GRID2: variants seen among roughly 807,000 people sequenced by gnomAD.
GRID2 encodes the protein glutamate receptor ionotropic, delta-2.
A neutral mutation model predicts 114.8 loss-of-function variants in GRID2; 33 were observed. The ratio of observed to expected loss-of-function variants is 0.29; its 90% CI spans 0.22 to 0.38. GRID2 has a LOEUF of 0.38. Ranked by LOEUF, GRID2 falls within the 10% of genes least tolerant of loss-of-function variation. The pLI is 1.00. For synonymous variants in GRID2, 505 were observed against 449.9 expected (o/e 1.12, Z -1.55); for missense variants, 1,184 against 1,257.7 (o/e 0.94, Z 0.89).
intron 13 of GRID2, among the ~76,000 whole-genome samples, chr4:93,525,016 T>C (rs2149504775): frequency 6.6e-6 from 1 of 151,964 alleles, no homozygotes; most frequent in South Asian, 2.1e-4. Context: ...CTGCTCCAAT[T>C]CTTCTTTTAA....
intron 2 of GRID2, among the ~76,000 whole-genome samples, chr4:92,990,129 CCTT>C (rs1464730168): frequency 6.6e-6 from 1 of 150,554 alleles, no homozygotes; most frequent in East Asian, 2.0e-4. Context: ...TTTTATGTAA[CCTT>C]CTTTATGTTG....
intron 8 of GRID2, among the ~76,000 whole-genome samples, chr4:93,277,758 C>T (rs1249491878): frequency 6.6e-6 from 1 of 151,906 alleles, no homozygotes; most frequent in South Asian, 2.1e-4. Context: ...ACACATTTGT[C>T]ATTCCTAAAG....
Position 92,935,968 on chromosome 4 carries a change from T to C in GRID2, c.245-149027T>C, listed in dbSNP as rs1183437346. On this transcript the variant is annotated intron_variant, in intron 2 of 15. Coordinates refer to ENST00000282020, the MANE Select transcript of GRID2 (RefSeq NM_001510.4). ...AGTTAATGGGTGCAGCACACCAGCATGGCACGTGTATACATATGTAACTAA... is the reference window on the plus strand; with the variant it reads ...AGTTAATGGGTGCAGCACACCAGCACGGCACGTGTATACATATGTAACTAA... Among the ~76,000 whole-genome samples, 2 of 146,038 alleles carry C rather than the reference T, an allele frequency of 1.4e-5. 1 individual carries two copies. Among genetic ancestry groups the C allele is most frequent in the Non-Finnish European group, 3.0e-5 (2 of 66,216 alleles).
At chr4:92,513,719 G>T (rs1199115115) in intron 1 of GRID2, among the ~76,000 whole-genome samples, 1 of 151,792 alleles carries the variant, frequency 6.6e-6, no homozygotes, top group Non-Finnish European at 1.5e-5. Flanking sequence ...ACTCAATGCT[G>T]CGTCCCTCTT....
rs189454466 is a variant in GRID2, at chr4:93,127,311, G to A, written c.735+16358G>A. Among the ~76,000 whole-genome samples, 474 of 152,188 alleles carry A rather than the reference G, an allele frequency of 3.1e-3. 3 individuals are homozygous for A. The highest frequency in any genetic ancestry group is 8.1e-3 in the African/African-American group (337 of 41,520). On this transcript the variant is annotated intron_variant, in intron 4 of 15. Coordinates refer to ENST00000282020, the MANE Select transcript of GRID2 (RefSeq NM_001510.4). ...AGCATTTAATCAGTAAGTTTGTGTT[G>A]TGGTCTTTGAACATGCCATCTGAGG...
At chr4:92,971,221 T>C (rs1753493013) in intron 2 of GRID2, among the ~76,000 whole-genome samples, 1 of 152,056 alleles carries the variant, frequency 6.6e-6, no homozygotes, top group African/African-American at 2.4e-5. Flanking sequence ...TCATAATGTG[T>C]TCTGTCTTGA....
At chr4:92,970,718 G>T (rs1348936930) in intron 2 of GRID2, among the ~76,000 whole-genome samples, 1 of 151,848 alleles carries the variant, frequency 6.6e-6, no homozygotes, top group Admixed American at 6.6e-5. Context: ...CTGATATAAA[G>T]CTAACTGATA....
chr4:93,308,758 CTT>C (rs145663183), intron 8 of GRID2, among the ~76,000 whole-genome samples: 2,032 of 152,260 alleles, frequency 0.013, 50 homozygotes, highest in African/African-American at 0.047. Flanking sequence ...TGCAATAAGA[CTT>C]TTTCCAAAAA....
chr4:93,702,464 C>T (rs1347401623), intron 14 of GRID2, among the ~76,000 whole-genome samples: 1 of 152,108 alleles, frequency 6.6e-6, no homozygotes, highest in Non-Finnish European at 1.5e-5. Flanking sequence ...CGTAGGAATG[C>T]ATTAAGATGT....
chr4:92,984,007 T>G (rs941585647), intron 2 of GRID2, among the ~76,000 whole-genome samples: 1 of 152,180 alleles, frequency 6.6e-6, no homozygotes, highest in Non-Finnish European at 1.5e-5. Context: ...GTACATAACC[T>G]CTTTGGCCCT....
chr4:92,427,421 T>C (rs1732214024), intron 1 of GRID2, among the ~76,000 whole-genome samples: 1 of 152,186 alleles, frequency 6.6e-6, no homozygotes, highest in South Asian at 2.1e-4. Context: ...ATGGACTAAA[T>C]TGCAACCCAC....
intron 1 of GRID2, among the ~76,000 whole-genome samples, chr4:92,565,443 C>G (rs961590133): frequency 6.6e-6 from 1 of 151,968 alleles, no homozygotes; most frequent in African/African-American, 2.4e-5. Flanking sequence ...GAAGATCAAA[C>G]TATTATATCC....
At chr4:92,439,808 T>C (rs1732941542) in intron 1 of GRID2, among the ~76,000 whole-genome samples, 1 of 146,174 alleles carries the variant, frequency 6.8e-6, no homozygotes, top group Non-Finnish European at 1.5e-5. Flanking sequence ...ATTATTTATT[T>C]ACTTCAAGAG....
chr4:93,679,155 C>T (rs1479695717), intron 14 of GRID2, among the ~76,000 whole-genome samples: 1 of 150,996 alleles, frequency 6.6e-6, no homozygotes, highest in African/African-American at 2.5e-5. Flanking sequence ...AGACTTTAAA[C>T]CAACAAAAAT....
Position 93,032,293 on chromosome 4 carries a change from A to G in GRID2, c.245-52702A>G, listed in dbSNP as rs889981894. Among the ~76,000 whole-genome samples the G allele has an allele frequency of 2.0e-5, 3 of 152,180 alleles. No individual in the cohort carries two copies. The East Asian group carries it at 5.8e-4, about 29-fold the overall frequency. ...AAAGGATGATTTTGAGCTGATTTAC[A>G]GGAGTCATCAGAGAAAAAAGAAGAT... On this transcript the variant is annotated intron_variant, in intron 2 of 15. Transcript: ENST00000282020.
chr4:92,806,166 GACACAC>G (rs56070810), intron 2 of GRID2, among the ~76,000 whole-genome samples: 4,420 of 133,272 alleles, frequency 0.033, 121 homozygotes, highest in African/African-American at 0.078. Context: ...ATAGGCTATC[GACACAC>G]ACACACACAC....
intron 14 of GRID2, among the ~76,000 whole-genome samples, chr4:93,661,199 A>G (rs531076299): frequency 2.3e-4 from 35 of 152,354 alleles, no homozygotes; most frequent in African/African-American, 7.7e-4. Flanking sequence ...CCTCCAAATC[A>G]GTTCTTGCAT....
At chr4:93,297,187 A>G (rs1754393709) in intron 8 of GRID2, among the ~76,000 whole-genome samples, 1 of 152,176 alleles carries the variant, frequency 6.6e-6, no homozygotes, top group Non-Finnish European at 1.5e-5. Context: ...TCCCATTTCT[A>G]TTACGCATGG....
intron 1 of GRID2, among the ~76,000 whole-genome samples, chr4:92,507,575 T>A (rs189470527): frequency 2.8e-4 from 42 of 152,068 alleles, no homozygotes; most frequent in Non-Finnish European, 4.6e-4. Context: ...AATAAAAATT[T>A]AAAAAATAAA....
Sources: gnomAD v4.1 joint callset for allele counts (sites outside exome capture counted in the v4.1 genomes callset) on GRCh38, gnomAD v4.1.1 for gene constraint, MANE v1.5 for transcripts, NCBI Gene and HGNC (gene_info 2026-07-23, HGNC 2026-07-21) for gene names.